Variants in AIG1 observed in about 807,000 individuals in gnomAD.
AIG1 encodes androgen induced 1, also known as androgen-induced gene 1 protein.
Under a neutral mutation model 31.4 loss-of-function variants are expected in AIG1, and 23 were observed. The observed-to-expected ratio is 0.73, with a 90% confidence interval of 0.53 to 1.04. The LOEUF (loss-of-function observed/expected upper bound fraction) is 1.04. Ranked by LOEUF, AIG1 falls within the 50% of genes least tolerant of loss-of-function variation. The pLI is 0.00. For missense variants in AIG1, 274 were observed against 295.0 expected, an observed-to-expected ratio of 0.93 and a Z score of 0.52; for synonymous variants, 100 against 110.5, an observed-to-expected ratio of 0.90 and a Z score of 0.60.
At chr6:143,179,263 T>G (rs2128583079) in intron 3 of AIG1, among the ~76,000 whole-genome samples, 2 of 152,278 alleles carry the variant, frequency 1.3e-5, no homozygotes, top group Middle Eastern at 3.4e-3. Flanking sequence ...AAAATATGAA[T>G]TTTTAAACAT....
chr6:143,250,625 C>T (rs1794942282), intron 3 of AIG1, among the ~76,000 whole-genome samples: 1 of 152,066 alleles, frequency 6.6e-6, no homozygotes, highest in Admixed American at 6.5e-5. Flanking sequence ...AAGTTAGACA[C>T]ACATTGAGCA....
intron 1 of AIG1, among the ~76,000 whole-genome samples, chr6:143,132,721 C>G (rs1387031119): frequency 6.6e-6 from 1 of 151,620 alleles, no homozygotes; most frequent in Non-Finnish European, 1.5e-5. Flanking sequence ...TCTCACAGTT[C>G]ACTTAGATTG....
chr6:143,336,705 C>T (rs988318933), intron 5 of AIG1, among the ~76,000 whole-genome samples: 3 of 152,138 alleles, frequency 2.0e-5, no homozygotes, highest in Non-Finnish European at 4.4e-5. Context: ...CAACCCCAAA[C>T]GTCTTTCAGA....
chr6:143,314,696 C>T (rs1483266470), intron 4 of AIG1, among the ~76,000 whole-genome samples: 1 of 152,106 alleles, frequency 6.6e-6, no homozygotes, highest in Non-Finnish European at 1.5e-5. Context: ...TGTGTTCATG[C>T]ATGGCAATAC....
At chr6:143,214,151 T>C (rs1371528514) in intron 3 of AIG1, among the ~76,000 whole-genome samples, 3 of 152,226 alleles carry the variant, frequency 2.0e-5, no homozygotes, top group African/African-American at 7.2e-5. Flanking sequence ...CCTCCGTGTT[T>C]TCCTACATTT....
At position 143,308,103 on chromosome 6, in the gene AIG1, G is replaced by A. The variant is rs192332574; in HGVS notation, c.515+23878G>A. On this transcript the variant is annotated intron_variant, in intron 4 of 5. Transcript: ENST00000357847. ...GGAGTGACCCGATTTTCCAGGTGCCGTCTGTCACCCATTTCTTTGACTAGG... is the reference window on the plus strand; with the variant it reads ...GGAGTGACCCGATTTTCCAGGTGCCATCTGTCACCCATTTCTTTGACTAGG... Among the ~76,000 whole-genome samples the A allele has an allele frequency of 1.4e-3, 219 of 152,290 alleles. 1 individual carries two copies. The highest frequency in any genetic ancestry group is 8.7e-3 in the South Asian group (42 of 4,820).
chr6:143,209,078 CTG>C (rs1470247889), intron 3 of AIG1, among the ~76,000 whole-genome samples: 1 of 152,178 alleles, frequency 6.6e-6, no homozygotes, highest in Non-Finnish European at 1.5e-5. Context: ...ACTGGGAAAA[CTG>C]TTAGTTAACC....
chr6:143,101,981 G>A (rs1266443571), intron 1 of AIG1, among the ~76,000 whole-genome samples: 1 of 152,022 alleles, frequency 6.6e-6, no homozygotes, highest in Non-Finnish European at 1.5e-5. Context: ...GATTTCCCAG[G>A]TTATTCCAAT....
In AIG1 at chr6:143,299,132, G is replaced by C. The variant is rs557868793; in HGVS notation, c.515+14907G>C. ...CTATGACTCTCTCCTTGACAGAGGTGATCAACTGACTGTGAGGGAGCTTAG... is the reference window on the plus strand; with the variant it reads ...CTATGACTCTCTCCTTGACAGAGGTCATCAACTGACTGTGAGGGAGCTTAG... On this transcript the variant is annotated intron_variant, in intron 4 of 5. Coordinates refer to ENST00000357847, the MANE Select transcript of AIG1 (RefSeq NM_016108.4). The surrounding 1 kb of genome is among the most constrained non-coding windows in gnomAD (Gnocchi z 4.1). 2.0e-5 allele frequency: 3 copies of C among 152,372 alleles called. No individual in the cohort carries two copies. In the South Asian group the frequency reaches 6.2e-4, roughly 32 times the overall value. 9.4% of individuals were successfully genotyped at this position (152,372 alleles called of 1,614,324 possible). A position where few individuals can be genotyped will look rare whatever the true frequency, so the allele number is the denominator to read the frequency against.
At chr6:143,124,318 C>T (rs1268309257) in intron 1 of AIG1, among the ~76,000 whole-genome samples, 1 of 152,216 alleles carries the variant, frequency 6.6e-6, no homozygotes, top group African/African-American at 2.4e-5. Flanking sequence ...GGTGTAAGGA[C>T]ATCCAGTGTT....
intron 2 of AIG1, among the ~76,000 whole-genome samples, chr6:143,141,396 C>G (rs1562419587): frequency 6.6e-6 from 1 of 152,214 alleles, no homozygotes; most frequent in African/African-American, 2.4e-5. Flanking sequence ...GATTTTGTGA[C>G]CCATGCACCT....
chr6:143,185,163 T>G (rs1435516760), intron 3 of AIG1, among the ~76,000 whole-genome samples: 1 of 147,674 alleles, frequency 6.8e-6, no homozygotes, highest in African/African-American at 2.5e-5. Context: ...GCCACTGCAC[T>G]CCAGCCTGGC....
intron 4 of AIG1, among the ~76,000 whole-genome samples, chr6:143,322,308 C>T (rs953658029): frequency 4.6e-5 from 7 of 152,108 alleles, no homozygotes; most frequent in Non-Finnish European, 1.5e-5. Context: ...ATAATTTCTG[C>T]AAAATATGGA....
chr6:143,309,034 G>T (rs1364368465), intron 4 of AIG1, among the ~76,000 whole-genome samples: 1 of 151,810 alleles, frequency 6.6e-6, no homozygotes, highest in East Asian at 1.9e-4. Flanking sequence ...TGGGAGAGTG[G>T]GGGGCTTCCT....
chr6:143,329,654 T>C lies in AIG1; in HGVS notation c.516-3628T>C, dbSNP rs1347395274. The stretch of plus-strand genomic sequence containing the variant: ...AGTAGTCAGCAGATGACAGCCGGTG[T>C]GCCAAATCCAGCCCACCACCTGGAT... On this transcript the variant is annotated intron_variant, in intron 4 of 5. Coordinates refer to ENST00000357847, the MANE Select transcript of AIG1 (RefSeq NM_016108.4). The surrounding 1 kb of genome is among the most constrained non-coding windows in gnomAD (Gnocchi z 4.9). 6.6e-6 allele frequency among the ~76,000 whole-genome samples: 1 copy of C among 151,768 alleles called. No individual in the cohort carries two copies. Among genetic ancestry groups the C allele is most frequent in the Admixed American group, 6.6e-5 (1 of 15,088 alleles).
chr6:143,339,835 A>G lies in AIG1; in HGVS notation c.*159A>G, dbSNP rs1005153144. 1.7e-6 allele frequency: 1 copy of G among 571,752 alleles called. No homozygotes were observed. The highest frequency in any genetic ancestry group is 2.6e-5 in the South Asian group (1 of 38,048). The allele number at this position is 571,752 out of a possible 1,614,324, so 35.4% of individuals were successfully genotyped here. On this transcript the variant is annotated 3_prime_UTR_variant, in exon 6 of 6. Coordinates refer to ENST00000357847, the MANE Select transcript of AIG1 (RefSeq NM_016108.4). The stretch of plus-strand genomic sequence containing the variant: ...CTTTTATATATAAATATGTATAAAC[A>G]TAGAATACAGTTGTTTCCAAAAGAA...
chr6:143,198,009 G>A (rs1790393638), intron 3 of AIG1, among the ~76,000 whole-genome samples: 1 of 152,182 alleles, frequency 6.6e-6, no homozygotes, highest in African/African-American at 2.4e-5. Context: ...TAATGTTGCT[G>A]TTTTGGAAGA....
chr6:143,327,332 TG>T lies in AIG1; in HGVS notation c.516-5948del. The T allele has an allele frequency of 4.2e-6, 1 of 240,724 alleles. No homozygotes were observed. 14.9% of individuals were successfully genotyped at this position (240,724 alleles called of 1,614,324 possible). Reference sequence around the variant, plus strand: ...AAGGGCCACTCTGCCATCAACAAGGTGGTGACCTCGTTGATGATACACCATC... The same window carrying T: ...AAGGGCCACTCTGCCATCAACAAGGTGTGACCTCGTTGATGATACACCATC... On this transcript the variant is annotated intron_variant, in intron 4 of 5. Transcript: ENST00000357847. This position sits in a 1 kb window ranked among gnomAD's most constrained non-coding sequence, Gnocchi z 5.3.
intron 1 of AIG1, among the ~76,000 whole-genome samples, chr6:143,125,124 T>C (rs992055778): frequency 2.6e-5 from 4 of 152,222 alleles, no homozygotes; most frequent in Admixed American, 2.6e-4. Flanking sequence ...TTATCTTCTG[T>C]TGAAGAAAAT....
Sources: allele counts gnomAD v4.1 joint callset (sites outside exome capture counted in the v4.1 genomes callset), GRCh38; gene constraint gnomAD v4.1.1; non-coding constraint Gnocchi (gnomAD v3.1); transcripts MANE v1.5; gene names NCBI Gene and HGNC (gene_info 2026-07-23, HGNC 2026-07-21).